Variants in EXOC4 observed in about 807,000 individuals in gnomAD.
EXOC4 encodes the protein SEC8-like 1.
A neutral mutation model predicts 107.2 loss-of-function variants in EXOC4; 71 were observed. The observed-to-expected ratio is 0.66, with a 90% CI of 0.55 to 0.81. The LOEUF (loss-of-function observed/expected upper bound fraction) is 0.81. EXOC4 is among the 30% of genes least tolerant of loss of function. The pLI is 0.00. For missense variants in EXOC4, 1,108 were observed against 1,189.6 expected (o/e 0.93, Z 1.01); for synonymous variants, 456 against 441.2 (o/e 1.03, Z -0.42).
At chr7:133,477,250 A>T (rs1799038487) in intron 8 of EXOC4, among the ~76,000 whole-genome samples, 1 of 152,164 alleles carries the variant, frequency 6.6e-6, no homozygotes, top group Admixed American at 6.5e-5. Context: ...ATAAGTTCCC[A>T]CCATTACAGT....
rs141999229 is a variant in EXOC4 at position 133,740,720 on chromosome 7, C to T, written c.1515-76605C>T. Among the ~76,000 whole-genome samples, 360 of 152,204 alleles carry T rather than the reference C, an allele frequency of 2.4e-3. 5 individuals are homozygous for T. Among genetic ancestry groups the T allele is most frequent in the African/African-American group, 8.1e-3 (337 of 41,524 alleles). ...GAAACAAAGTCCCCTTTCTCACTCC[C>T]CCTTATAATAATAATTGCATCTACT... On this transcript the variant is annotated intron_variant, in intron 10 of 17. Coordinates refer to ENST00000253861, the MANE Select transcript of EXOC4 (RefSeq NM_021807.4).
At chr7:133,330,939 G>T (rs1795370335) in intron 5 of EXOC4, among the ~76,000 whole-genome samples, 1 of 144,000 alleles carries the variant, frequency 6.9e-6, no homozygotes, top group Non-Finnish European at 1.5e-5. Context: ...TCTGTGAGAG[G>T]TTTTTTTTTT....
At chr7:133,293,382 A>G (rs1307206259) in intron 3 of EXOC4, among the ~76,000 whole-genome samples, 1 of 152,178 alleles carries the variant, frequency 6.6e-6, no homozygotes, top group Non-Finnish European at 1.5e-5. Flanking sequence ...AAGGCATCTC[A>G]AGGGTCCAAA....
the EXOC4 span, among the ~76,000 whole-genome samples, chr7:134,073,358 G>C: frequency 6.6e-6 from 1 of 151,180 alleles, no homozygotes; most frequent in Admixed American, 6.6e-5. Flanking sequence ...GATCTTACAC[G>C]ATTGTTTCAG....
chr7:133,485,087 AAAT>A (rs1405798133), intron 9 of EXOC4, among the ~76,000 whole-genome samples: 7 of 2,368 alleles, frequency 3.0e-3, no homozygotes, highest in African/African-American at 3.1e-3. Context: ...CTCAAAAAAT[AAAT>A]AAATAAATAA....
At chr7:133,884,581 CTGTGTGTGTGTGTGTGTGTG>C (rs34350149) in intron 11 of EXOC4, among the ~76,000 whole-genome samples, 4 of 143,632 alleles carry the variant, frequency 2.8e-5, no homozygotes, top group Non-Finnish European at 4.6e-5. Flanking sequence ...GCCCTATGCT[CTGTGTGTGTGTGTGTGTGTG>C]TGTGTGTGTG....
chr7:133,514,902 G>A (rs1799843660), intron 9 of EXOC4, among the ~76,000 whole-genome samples: 1 of 151,802 alleles, frequency 6.6e-6, no homozygotes, highest in Non-Finnish European at 1.5e-5. Context: ...TTCATATAAG[G>A]GCATTTTAAT....
At chr7:133,639,690 T>C (rs1407122083) in intron 10 of EXOC4, among the ~76,000 whole-genome samples, 3 of 152,176 alleles carry the variant, frequency 2.0e-5, no homozygotes, top group East Asian at 1.9e-4. Context: ...GTTATGAACC[T>C]GGGAAGTGCT....
intron 10 of EXOC4, among the ~76,000 whole-genome samples, chr7:133,685,316 T>C (rs1427263334): frequency 2.0e-5 from 3 of 152,150 alleles, no homozygotes; most frequent in Non-Finnish European, 2.9e-5. Flanking sequence ...TCATGAGATC[T>C]GATGGTTTTC....
chr7:133,356,179 G>C, intron 5 of EXOC4, 151 bp from the exon 6 acceptor site: 1 of 747,942 alleles, frequency 1.3e-6, no homozygotes, highest in Non-Finnish European at 2.1e-6. Flanking sequence ...GTGACTTTTG[G>C]ATGGTTACTG....
intron 10 of EXOC4, among the ~76,000 whole-genome samples, chr7:133,669,355 G>T (rs1022420743): frequency 6.6e-5 from 10 of 152,142 alleles, no homozygotes; most frequent in African/African-American, 2.4e-4. Context: ...ATCACATGGT[G>T]GGGGAAGCCA....
chr7:133,577,059 C>T (rs899880476), intron 9 of EXOC4, among the ~76,000 whole-genome samples: 25 of 152,122 alleles, frequency 1.6e-4, no homozygotes, highest in African/African-American at 5.6e-4. Context: ...GAAGCTTCAA[C>T]ATAGCAGTCT....
intron 10 of EXOC4, among the ~76,000 whole-genome samples, chr7:133,815,627 G>A (rs1797350983): frequency 6.6e-6 from 1 of 152,162 alleles, no homozygotes; most frequent in African/African-American, 2.4e-5. Flanking sequence ...TGGCTCGGTT[G>A]CCAGCATTTT....
At chr7:133,803,982 G>A (rs1797010344) in intron 10 of EXOC4, among the ~76,000 whole-genome samples, 1 of 152,114 alleles carries the variant, frequency 6.6e-6, no homozygotes. Flanking sequence ...CTTTTGATGT[G>A]AATTTGATGT....
intron 7 of EXOC4, among the ~76,000 whole-genome samples, chr7:133,409,017 T>G (rs1182015542): frequency 2.0e-5 from 3 of 152,142 alleles, no homozygotes; most frequent in Non-Finnish European, 4.4e-5. Flanking sequence ...CTATCTGGAG[T>G]GACTGCATAA....
chr7:133,317,037 T>C (rs1795004846), intron 4 of EXOC4, among the ~76,000 whole-genome samples: 1 of 152,156 alleles, frequency 6.6e-6, no homozygotes, highest in South Asian at 2.1e-4. Context: ...CAGCATTGAA[T>C]GAAATGACAA....
intron 7 of EXOC4, among the ~76,000 whole-genome samples, chr7:133,448,436 C>T (rs1048955378): frequency 6.6e-6 from 1 of 151,970 alleles, no homozygotes; most frequent in East Asian, 1.9e-4. Context: ...CAGCTAGGAC[C>T]ACAGACACAC....
intron 7 of EXOC4, among the ~76,000 whole-genome samples, chr7:133,399,426 C>T (rs963358437): frequency 6.6e-6 from 1 of 152,202 alleles, no homozygotes; most frequent in African/African-American, 2.4e-5. Flanking sequence ...CAGCATCACT[C>T]GTTCATTGAA....
In EXOC4 at chr7:134,021,067, C is replaced by T. The variant is rs188702516; in HGVS notation, c.2687+13232C>T. On this transcript the variant is annotated intron_variant, in intron 17 of 17. Coordinates refer to ENST00000253861, the MANE Select transcript of EXOC4 (RefSeq NM_021807.4). Reference sequence around the variant, plus strand: ...ATTGGACTTGCCTAGAGTTCCATGACATAAAGCCAGAGAGCGGTTTGAGAG... The same window carrying T: ...ATTGGACTTGCCTAGAGTTCCATGATATAAAGCCAGAGAGCGGTTTGAGAG... Among the ~76,000 whole-genome samples the T allele has an allele frequency of 4.0e-3, 609 of 152,164 alleles. 5 individuals carry two copies. The highest frequency in any genetic ancestry group is 0.014 in the African/African-American group (577 of 41,516).
Sources: allele counts gnomAD v4.1 joint callset (sites outside exome capture counted in the v4.1 genomes callset), GRCh38; gene constraint gnomAD v4.1.1; transcripts MANE v1.5; gene names NCBI Gene and HGNC (gene_info 2026-07-23, HGNC 2026-07-21).